HACL1: variants seen among roughly 807,000 people sequenced by gnomAD.
HACL1 encodes the protein 2-hydroxyacyl-CoA lyase 1.
HACL1 carries 64 observed loss-of-function variants against 74.2 expected under a neutral mutation model. The observed-to-expected ratio is 0.86, with a 90% confidence interval of 0.70 to 1.06. The LOEUF (loss-of-function observed/expected upper bound fraction) is 1.06, where lower values mean the gene tolerates loss of function less well. Ranked by LOEUF, HACL1 falls within the 50% of genes least tolerant of loss-of-function variation. The pLI, the probability that HACL1 is intolerant of heterozygous loss-of-function variation, is 0.00. For missense variants in HACL1, 728 were observed against 719.7 expected (o/e 1.01, Z -0.13); for synonymous variants, 230 against 238.8 (o/e 0.96, Z 0.34).
chr3:15,586,241 G>A (rs1160950967), intron 6 of HACL1, among the ~76,000 whole-genome samples: 2 of 151,768 alleles, frequency 1.3e-5, no homozygotes, highest in Non-Finnish European at 2.9e-5. Context: ...GGTACTCAAG[G>A]GTTCATTATA....
At chr3:15,583,860 G>A (rs1288404876) in intron 7 of HACL1, among the ~76,000 whole-genome samples, 1 of 151,958 alleles carries the variant, frequency 6.6e-6, no homozygotes, top group Non-Finnish European at 1.5e-5. Context: ...GTTTCACTAT[G>A]TTGGCCAGGT....
At chr3:15,595,470 A>G (rs917668754) in intron 3 of HACL1, among the ~76,000 whole-genome samples, 8 of 152,194 alleles carry the variant, frequency 5.3e-5, no homozygotes, top group African/African-American at 1.9e-4. Context: ...AACATATGTG[A>G]AAAAAGTATG....
At chr3:15,583,702 G>A (rs1036408461) in intron 7 of HACL1, among the ~76,000 whole-genome samples, 1 of 148,644 alleles carries the variant, frequency 6.7e-6, no homozygotes, top group African/African-American at 2.5e-5. Context: ...CTGTCACCCA[G>A]GCTTAAGTGC....
intron 3 of HACL1, among the ~76,000 whole-genome samples, chr3:15,592,624 A>G (rs1476511630): frequency 1.0e-4 from 5 of 49,404 alleles, no homozygotes; most frequent in Non-Finnish European, 1.9e-4. Flanking sequence ...GTGTATACAC[A>G]TGTACGCACA....
In HACL1 at chr3:15,568,975, C is replaced by T. The variant is rs1337345883; in HGVS notation, c.1096-389G>A. Reference sequence around the variant, plus strand: ...GCCTTAGAAAAAGTGAAATTTATTCCAGAATATTTTCATCTGAACTATGAC... The same window carrying T: ...GCCTTAGAAAAAGTGAAATTTATTCTAGAATATTTTCATCTGAACTATGAC... On this transcript the variant is annotated intron_variant, in intron 12 of 16. Coordinates refer to ENST00000321169, the MANE Select transcript of HACL1 (RefSeq NM_012260.4). 2.0e-5 allele frequency among the ~76,000 whole-genome samples: 3 copies of T among 152,208 alleles called. No homozygotes were observed. In the East Asian group the frequency reaches 5.8e-4, roughly 29 times the overall value.
In HACL1 at chr3:15,580,046, C is replaced by A; in HGVS notation, c.668-1G>T. ...TCTTCTGCATGAGCGTAAGCAGCAC[C>A]TATAAGAAATGCAAATGTATTGGAC... On this transcript the variant is annotated splice_acceptor_variant, in intron 8 of 16. Coordinates refer to ENST00000321169, the MANE Select transcript of HACL1 (RefSeq NM_012260.4). LOFTEE classifies it high-confidence loss of function. The A allele has an allele frequency of 1.9e-6, 3 of 1,611,188 alleles. No homozygotes were observed. Among genetic ancestry groups the A allele is most frequent in the African/African-American group, 2.7e-5 (2 of 74,974 alleles).
chr3:15,564,409 T>C, intron 15 of HACL1, 142 bp downstream of exon 15: 2 of 570,504 alleles, frequency 3.5e-6, no homozygotes, highest in Non-Finnish European at 6.3e-6. Flanking sequence ...TAAGACAGGA[T>C]TCCTTCTCTT....
In HACL1 at chr3:15,573,146, CA is replaced by C; in HGVS notation, c.993+12del. On this transcript the variant is annotated intron_variant, in intron 11 of 16. Coordinates refer to ENST00000321169, the MANE Select transcript of HACL1 (RefSeq NM_012260.4). ...AATAAGCACTCCACATAAACTAAAA[CA>C]AAAGTTCTCACCTGCTTAGTGACAG... 1 of 1,517,886 alleles carries C rather than the reference CA, an allele frequency of 6.6e-7. No individual in the cohort carries two copies. Among genetic ancestry groups the C allele is most frequent in the Non-Finnish European group, 9.1e-7 (1 of 1,092,992 alleles). The allele number at this position is 1,517,886 out of a possible 1,614,324, so 94.0% of individuals were successfully genotyped here.
Position 15,567,884 on chromosome 3 carries a change from C to T in HACL1, c.1369G>A (p.Ala457Thr). The change falls in exon 14 of 17, where the codon GCA (alanine) becomes ACA (threonine). Residue 457 changes from alanine to threonine, a missense_variant. Physicochemically the swap from Ala to Thr is moderately conservative, Grantham distance 58. Coordinates refer to ENST00000321169, the MANE Select transcript of HACL1 (RefSeq NM_012260.4). ...QWIICVEGDS[A>T]FGFSGMEVET... ...ACCTCCATGCCAGAAAACCCAAATG[C>T]ACTGTCTCCTTCCACACAGATGATC... 1.2e-6 allele frequency: 2 copies of T among 1,614,126 alleles called. No individual in the cohort carries two copies. The highest frequency in any genetic ancestry group is 2.2e-5 in the East Asian group (1 of 44,884).
intron 9 of HACL1, among the ~76,000 whole-genome samples, chr3:15,579,050 A>G (rs1209932262): frequency 6.6e-6 from 1 of 152,256 alleles, no homozygotes; most frequent in Non-Finnish European, 1.5e-5. Context: ...TGACCCTGGA[A>G]CTACTTATAT....
chr3:15,597,769 T>C (rs2064095553), intron 2 of HACL1, among the ~76,000 whole-genome samples: 1 of 152,010 alleles, frequency 6.6e-6, no homozygotes, highest in South Asian at 2.1e-4. Flanking sequence ...TCTTTCCTTT[T>C]GCACATAAGG....
intron 7 of HACL1, among the ~76,000 whole-genome samples, chr3:15,583,929 T>C (rs909381345): frequency 1.3e-5 from 2 of 152,074 alleles, no homozygotes; most frequent in Non-Finnish European, 2.9e-5. Context: ...AGTGCTGAGA[T>C]TACAGGTGTA....
intron 16 of HACL1, among the ~76,000 whole-genome samples, chr3:15,562,303 C>G (rs1307362999): frequency 6.6e-6 from 1 of 152,200 alleles, no homozygotes; most frequent in Non-Finnish European, 1.5e-5. Flanking sequence ...TGCCCCCTGC[C>G]CTTCAGCTTA....
intron 16 of HACL1, 82 bp from the exon 17 acceptor site, chr3:15,560,979 A>C (rs2063336991): frequency 2.8e-6 from 3 of 1,082,634 alleles, no homozygotes; most frequent in Non-Finnish European, 4.2e-6. Flanking sequence ...TTGTTCTAAA[A>C]CCTAAAAGTC....
rs1354671792 is a variant in HACL1, at chr3:15,573,670, GT to G, written c.910-429del. Among the ~76,000 whole-genome samples, 4 of 152,202 alleles carry G rather than the reference GT, an allele frequency of 2.6e-5. No homozygotes were observed. The East Asian group carries it at 5.8e-4, about 22-fold the overall frequency. On this transcript the variant is annotated intron_variant, in intron 10 of 16. Transcript: ENST00000321169. ...ATAAACTGTAGGAGTCTACCTCAGA[GT>G]TTTTTATTTTAATAGGTCTGGCGTA... is the stretch of plus-strand genomic sequence containing the variant.
In HACL1 at chr3:15,572,427, C is replaced by A. The variant is rs180692661; in HGVS notation, c.994-658G>T. Among the ~76,000 whole-genome samples, 454 of 152,256 alleles carry A rather than the reference C, an allele frequency of 3.0e-3. 12 individuals are homozygous for A. The highest frequency in any genetic ancestry group is 0.027 in the Admixed American group (419 of 15,282). On this transcript the variant is annotated intron_variant, in intron 11 of 16. Transcript: ENST00000321169. ...CCCATAGGACAGACTGGAGTGCTACCTCCTCCACACCTCAAGCAAGGGCTC... is the reference window on the plus strand; with the variant it reads ...CCCATAGGACAGACTGGAGTGCTACATCCTCCACACCTCAAGCAAGGGCTC...
chr3:15,568,988 T>A (rs2063479456), intron 12 of HACL1, among the ~76,000 whole-genome samples: 1 of 152,254 alleles, frequency 6.6e-6, no homozygotes, highest in South Asian at 2.1e-4. Flanking sequence ...AATATTTTCA[T>A]CTGAACTATG....
intron 3 of HACL1, among the ~76,000 whole-genome samples, chr3:15,591,960 A>G (rs1442319427): frequency 6.7e-6 from 1 of 149,372 alleles, no homozygotes; most frequent in East Asian, 1.9e-4. Flanking sequence ...CACACTATAT[A>G]CATAGTGTAT....
At chr3:15,583,937 G>A (rs576554522) in intron 7 of HACL1, among the ~76,000 whole-genome samples, 45 of 152,154 alleles carry the variant, frequency 3.0e-4, no homozygotes, top group African/African-American at 1.1e-3. Context: ...GATTACAGGT[G>A]TAAGCCACCG....
Sources: allele counts gnomAD v4.1 joint callset (sites outside exome capture counted in the v4.1 genomes callset), GRCh38; gene constraint gnomAD v4.1.1; transcripts MANE v1.5; gene names NCBI Gene and HGNC (gene_info 2026-07-23, HGNC 2026-07-21).